The following MGAM2 variants were observed in gnomAD, a reference collection of about 807,000 sequenced individuals.
MGAM2 encodes the protein maltase-glucoamylase 2 (putative).
MGAM2 carries 98 observed loss-of-function variants against 96.1 expected under a neutral mutation model. The ratio of observed to expected loss-of-function variants is 1.02; its 90% CI spans 0.87 to 1.21. The LOEUF (loss-of-function observed/expected upper bound fraction) is 1.21. MGAM2 is among the 50% of genes most tolerant of loss of function. MGAM2 has a pLI of 0.00. For synonymous variants in MGAM2, 749 were observed against 414.8 expected (o/e 1.81, Z -9.79); for missense variants, 2,055 against 1,182.4 (o/e 1.74, Z -10.82).
chr7:142,144,809 C>A, intron 13 of MGAM2, 52 bp from the exon 14 acceptor site: 1 of 677,748 alleles, frequency 1.5e-6, no homozygotes, highest in Non-Finnish European at 2.7e-6. Flanking sequence ...TTCTCAACAG[C>A]TAAATGTAGC....
chr7:142,121,187 C>CT lies in MGAM2; in HGVS notation c.186+814dup, dbSNP rs574150524. On this transcript the variant is annotated intron_variant, in intron 3 of 47. Coordinates refer to ENST00000477922, the MANE Select transcript of MGAM2 (RefSeq NM_001293626.2). ...ATATATACATATATTTCTTTCTTTT[C>CT]TTTTTTTTGAGACAGAGTCTCACCT... Among the ~76,000 whole-genome samples, 51 of 149,754 alleles carry CT rather than the reference C, an allele frequency of 3.4e-4. No homozygotes were observed. The South Asian group carries it at 9.2e-3, about 27-fold the overall frequency.
intron 1 of MGAM2, among the ~76,000 whole-genome samples, chr7:142,115,496 T>G (rs1261950480): frequency 6.6e-6 from 1 of 152,126 alleles, no homozygotes; most frequent in Non-Finnish European, 1.5e-5. Flanking sequence ...GCTAAGAGAT[T>G]AAAAGGAAAT....
intron 23 of MGAM2, among the ~76,000 whole-genome samples, chr7:142,162,590 C>T (rs1034597084): frequency 2.6e-5 from 4 of 151,750 alleles, no homozygotes; most frequent in African/African-American, 9.7e-5. Flanking sequence ...GTCTCTCTCT[C>T]TTTCTTTTTT....
At chr7:142,182,691 T>G (rs1208578439) in intron 32 of MGAM2, among the ~76,000 whole-genome samples, 4 of 152,238 alleles carry the variant, frequency 2.6e-5, no homozygotes, top group Admixed American at 2.6e-4. Context: ...CACTCACTCC[T>G]TCCTTGGGAC....
In MGAM2 at chr7:142,144,825, C is replaced by G. The variant is rs1280332871; in HGVS notation, c.1432-36C>G. Reference sequence around the variant, plus strand: ...TCTCAACAGCTAAATGTAGCTCAATCGCATTTTACACTTTGTGTGTTTTGT... The same window carrying G: ...TCTCAACAGCTAAATGTAGCTCAATGGCATTTTACACTTTGTGTGTTTTGT... On this transcript the variant is annotated intron_variant, in intron 13 of 47. Transcript: ENST00000477922. The G allele has an allele frequency of 1.6e-5, 11 of 683,460 alleles. No homozygotes were observed. The East Asian group carries it at 2.8e-4, about 17-fold the overall frequency. The allele number at this position is 683,460 out of a possible 1,614,324, so 42.3% of individuals were successfully genotyped here.
intron 46 of MGAM2, among the ~76,000 whole-genome samples, chr7:142,208,994 A>C (rs1229076491): frequency 1.3e-5 from 2 of 152,222 alleles, no homozygotes; most frequent in African/African-American, 4.8e-5. Context: ...CCTTAGTGGT[A>C]TCTAACAATA....
At chr7:142,127,646 A>G (rs1585144503) in intron 3 of MGAM2, among the ~76,000 whole-genome samples, 3 of 152,006 alleles carry the variant, frequency 2.0e-5, no homozygotes, top group Admixed American at 1.3e-4. Context: ...TACTGTTCTT[A>G]TGGTAGTGAA....
chr7:142,171,966 T>G, intron 28 of MGAM2, 132 bp from the exon 29 acceptor site: 2 of 380,632 alleles, frequency 5.3e-6, no homozygotes, highest in East Asian at 4.0e-5. Context: ...GAAGGGAGAG[T>G]CAATGAAGGC....
At chr7:142,145,715 T>A (rs906231822) in intron 14 of MGAM2, among the ~76,000 whole-genome samples, 1 of 152,098 alleles carries the variant, frequency 6.6e-6, no homozygotes, top group African/African-American at 2.4e-5. Flanking sequence ...GGTTCTCCCA[T>A]CTCCTCAGAG....
At chr7:142,161,711 A>G (rs1795892478) in intron 22 of MGAM2, among the ~76,000 whole-genome samples, 1 of 152,238 alleles carries the variant, frequency 6.6e-6, no homozygotes, top group African/African-American at 2.4e-5. Flanking sequence ...TACAATGCAC[A>G]CATAGATAAA....
At chr7:142,126,460 A>T (rs1360707595) in intron 3 of MGAM2, among the ~76,000 whole-genome samples, 1 of 151,254 alleles carries the variant, frequency 6.6e-6, no homozygotes, top group East Asian at 1.9e-4. Context: ...ATATGAGGAT[A>T]TTTTATTCCT....
At chr7:142,132,838 T>A (rs1342730567) in intron 6 of MGAM2, among the ~76,000 whole-genome samples, 1 of 128,348 alleles carries the variant, frequency 7.8e-6, no homozygotes, top group Non-Finnish European at 1.5e-5. Context: ...AGTAATATAA[T>A]TATATAAATA....
At chr7:142,116,785 A>C in intron 1 of MGAM2, 89 bp from the exon 2 acceptor site, 1 of 682,038 alleles carries the variant, frequency 1.5e-6, no homozygotes, top group Non-Finnish European at 2.7e-6. Context: ...CTTGCAAACA[A>C]TTCCACATTT....
At chr7:142,210,320 A>G (rs1797537953) in intron 46 of MGAM2, among the ~76,000 whole-genome samples, 2 of 151,194 alleles carry the variant, frequency 1.3e-5, no homozygotes, top group Admixed American at 6.6e-5. Flanking sequence ...TTCATACCCT[A>G]GTGGTGCCTG....
At chr7:142,155,602 G>A (rs1364284187) in intron 17 of MGAM2, among the ~76,000 whole-genome samples, 1 of 152,170 alleles carries the variant, frequency 6.6e-6, no homozygotes, top group East Asian at 1.9e-4. Flanking sequence ...AACCTTCAAA[G>A]TATTTTATCC....
At chr7:142,123,171 C>CTTTTTTTTTTTTT in intron 3 of MGAM2, among the ~76,000 whole-genome samples, 1 of 144,988 alleles carries the variant, frequency 6.9e-6, no homozygotes. Context: ...TAGTTATATT[C>CTTTTTTTTTTTTT]TTTTTTTTTT....
chr7:142,139,625 A>G (rs1038576050), intron 10 of MGAM2, among the ~76,000 whole-genome samples: 33 of 147,422 alleles, frequency 2.2e-4, no homozygotes, highest in Non-Finnish European at 4.3e-4. Flanking sequence ...GCGCCACTAC[A>G]CTCCAGCCTG....
intron 46 of MGAM2, among the ~76,000 whole-genome samples, chr7:142,211,761 G>A (rs181396954): frequency 1.7e-3 from 258 of 152,280 alleles, no homozygotes; most frequent in Middle Eastern, 3.4e-3. Flanking sequence ...AAGTTGTAAA[G>A]CACACTTCAA....
At chr7:142,120,797 T>C (rs1263328790) in intron 3 of MGAM2, among the ~76,000 whole-genome samples, 7 of 152,174 alleles carry the variant, frequency 4.6e-5, no homozygotes, top group Non-Finnish European at 2.9e-5. Flanking sequence ...CCTGAGTCAC[T>C]GGCTGAGTCA....
Sources: allele counts gnomAD v4.1 joint callset (sites outside exome capture counted in the v4.1 genomes callset), GRCh38; gene constraint gnomAD v4.1.1; transcripts MANE v1.5; gene names NCBI Gene and HGNC (gene_info 2026-07-23, HGNC 2026-07-21).